Variants in FAM81B observed in about 807,000 individuals in gnomAD.
The protein encoded by FAM81B is family with sequence similarity 81 member B.
A neutral mutation model predicts 58.7 loss-of-function variants in FAM81B; 60 were observed. The ratio of observed to expected loss-of-function variants is 1.02; its 90% CI spans 0.83 to 1.27. The LOEUF (loss-of-function observed/expected upper bound fraction) is 1.27, where lower values mean the gene tolerates loss of function less well. FAM81B is among the 50% of genes most tolerant of loss of function. The pLI is 0.00. For synonymous variants in FAM81B, 189 were observed against 179.6 expected (o/e 1.05, Z -0.42); for missense variants, 491 against 522.0 (o/e 0.94, Z 0.58).
At position 95,400,142 on chromosome 5, in the gene FAM81B, C is replaced by T. The variant is rs1762067323; in HGVS notation, c.293+3967C>T. ...TACATTTCTCCTGGGCTAGGAGCTC[C>T]CTACCACAAACTGCGTGGCTTTAAA... is the stretch of plus-strand genomic sequence containing the variant. On this transcript the variant is annotated intron_variant, in intron 3 of 9. Coordinates refer to ENST00000283357, the MANE Select transcript of FAM81B (RefSeq NM_152548.3). 2.6e-5 allele frequency among the ~76,000 whole-genome samples: 4 copies of T among 152,124 alleles called. No individual in the cohort carries two copies. The South Asian group carries it at 8.3e-4, about 32-fold the overall frequency.
chr5:95,420,013 G>A (rs970161012), intron 4 of FAM81B, among the ~76,000 whole-genome samples: 1 of 152,126 alleles, frequency 6.6e-6, no homozygotes, highest in Non-Finnish European at 1.5e-5. Context: ...GTTAATTTGA[G>A]CAATTTCATA....
At chr5:95,440,184 A>G in intron 7 of FAM81B, 1 of 616,184 alleles carries the variant, frequency 1.6e-6, no homozygotes. Context: ...TCCTTTCAAG[A>G]TTCAAGATCA....
At chr5:95,399,064 G>T (rs1217602245) in intron 3 of FAM81B, among the ~76,000 whole-genome samples, 1 of 152,164 alleles carries the variant, frequency 6.6e-6, no homozygotes, top group East Asian at 1.9e-4. Flanking sequence ...TTCCAGGCTG[G>T]GCTATAGCCA....
At chr5:95,407,428 G>GCA (rs1762281725) in intron 3 of FAM81B, among the ~76,000 whole-genome samples, 1 of 139,366 alleles carries the variant, frequency 7.2e-6, no homozygotes, top group African/African-American at 2.7e-5. Flanking sequence ...ACACGCGTGC[G>GCA]CGCACACAAA....
At chr5:95,410,292 A>C (rs1762373213) in intron 3 of FAM81B, among the ~76,000 whole-genome samples, 1 of 152,198 alleles carries the variant, frequency 6.6e-6, no homozygotes. Context: ...GGAGCTGGGC[A>C]CCTGATGACT....
intron 3 of FAM81B, among the ~76,000 whole-genome samples, chr5:95,403,529 G>T (rs558691464): frequency 4.6e-5 from 7 of 152,122 alleles, no homozygotes; most frequent in Non-Finnish European, 1.0e-4. Flanking sequence ...ACCAAAAATG[G>T]TTTAAATGTA....
intron 2 of FAM81B, 48 bp downstream of exon 2, chr5:95,392,945 C>A: frequency 6.7e-7 from 1 of 1,485,696 alleles, no homozygotes; most frequent in Non-Finnish European, 9.1e-7. Flanking sequence ...CTTTGCTCAG[C>A]TTCTTTAAAG....
intron 6 of FAM81B, among the ~76,000 whole-genome samples, 189 bp downstream of exon 6, chr5:95,428,921 G>A (rs1167243247): frequency 2.0e-5 from 3 of 152,140 alleles, no homozygotes; most frequent in Non-Finnish European, 4.4e-5. Flanking sequence ...TTTAATGAAT[G>A]TCTGCCGTGT....
chr5:95,412,091 C>G (rs1762420290), intron 3 of FAM81B, among the ~76,000 whole-genome samples: 1 of 151,952 alleles, frequency 6.6e-6, no homozygotes, highest in South Asian at 2.1e-4. Flanking sequence ...TCCATTAGAG[C>G]TGGCCAACAT....
At chr5:95,391,901 G>A (rs1251867432) in intron 1 of FAM81B, among the ~76,000 whole-genome samples, 1 of 152,198 alleles carries the variant, frequency 6.6e-6, no homozygotes, top group Non-Finnish European at 1.5e-5. Context: ...TTATACTGTT[G>A]GTGGGAGTGT....
chr5:95,422,552 G>C (rs1251364315), intron 5 of FAM81B, among the ~76,000 whole-genome samples: 2 of 133,268 alleles, frequency 1.5e-5, no homozygotes, highest in Non-Finnish European at 3.6e-5. Flanking sequence ...GCGCGATCTT[G>C]GCTCACTGCA....
At chr5:95,408,629 T>C (rs936630414) in intron 3 of FAM81B, among the ~76,000 whole-genome samples, 2 of 152,220 alleles carry the variant, frequency 1.3e-5, no homozygotes, top group Admixed American at 1.3e-4. Context: ...GGTCCACTGT[T>C]GTTAGCTGGG....
intron 9 of FAM81B, 111 bp downstream of exon 9, chr5:95,448,575 G>A (rs546708881): frequency 1.6e-5 from 16 of 976,104 alleles, no homozygotes; most frequent in Admixed American, 1.1e-4. Context: ...TAGTGACATC[G>A]TTATGTATTT....
chr5:95,415,055 A>C (rs923179811), intron 4 of FAM81B, among the ~76,000 whole-genome samples: 2 of 152,154 alleles, frequency 1.3e-5, no homozygotes, highest in Non-Finnish European at 1.5e-5. Context: ...TGAATAAATT[A>C]ATTAATTTTA....
intron 8 of FAM81B, among the ~76,000 whole-genome samples, chr5:95,447,415 G>T (rs1561317454): frequency 6.6e-6 from 1 of 152,238 alleles, no homozygotes; most frequent in South Asian, 2.1e-4. Context: ...GGAGCCAAGA[G>T]TTGGAGATAA....
chr5:95,401,609 C>G (rs1412898642), intron 3 of FAM81B, among the ~76,000 whole-genome samples: 2 of 151,990 alleles, frequency 1.3e-5, no homozygotes, highest in Non-Finnish European at 2.9e-5. Context: ...GTAGGACTCT[C>G]TGCACTCAGA....
Position 95,430,884 on chromosome 5 carries a change from C to G in FAM81B, c.786+2152C>G, listed in dbSNP as rs553023916. On this transcript the variant is annotated intron_variant, in intron 6 of 9. Coordinates refer to ENST00000283357, the MANE Select transcript of FAM81B (RefSeq NM_152548.3). ...AGTATTGTTCAACTTCTGAATTTTG[C>G]CATTCTTATAGGAAAAAGGCAGTAT... 2.0e-5 allele frequency among the ~76,000 whole-genome samples: 3 copies of G among 152,126 alleles called. 1 individual carries two copies. In the South Asian group the frequency reaches 6.2e-4, roughly 32 times the overall value.
intron 7 of FAM81B, chr5:95,440,644 T>C: frequency 2.3e-6 from 2 of 864,258 alleles, no homozygotes; most frequent in Non-Finnish European, 3.5e-6. Flanking sequence ...CAGACAATTA[T>C]TACTGATCCA....
chr5:95,398,856 G>A (rs372363998), intron 3 of FAM81B, among the ~76,000 whole-genome samples: 1 of 152,144 alleles, frequency 6.6e-6, no homozygotes, highest in East Asian at 1.9e-4. Flanking sequence ...ATATTCTTAC[G>A]GTGTAGCAGG....
Sources: gnomAD v4.1 joint callset for allele counts (sites outside exome capture counted in the v4.1 genomes callset) on GRCh38, gnomAD v4.1.1 for gene constraint, MANE v1.5 for transcripts, NCBI Gene and HGNC (gene_info 2026-07-23, HGNC 2026-07-21) for gene names.